DYM: variants seen among roughly 807,000 people sequenced by gnomAD.
The protein encoded by DYM is dymeclin, also known as dyggve-Melchior-Clausen syndrome protein.
Under a neutral mutation model 93.1 loss-of-function variants are expected in DYM, and 78 were observed. That is an observed-to-expected ratio of 0.84 (90% CI 0.70 to 1.01). The LOEUF is 1.01. Ranked by LOEUF, DYM falls within the 50% of genes least tolerant of loss-of-function variation. The pLI is 0.00. For missense variants in DYM, 789 were observed against 845.0 expected, an observed-to-expected ratio of 0.93 and a Z score of 0.82; for synonymous variants, 321 against 319.7, an observed-to-expected ratio of 1.00 and a Z score of -0.04.
intron 15 of DYM, among the ~76,000 whole-genome samples, chr18:49,152,232 A>C (rs2085897183): frequency 6.6e-6 from 1 of 152,200 alleles, no homozygotes; most frequent in Non-Finnish European, 1.5e-5. Flanking sequence ...AAGGGACAGA[A>C]CGATCTTCCT....
At chr18:49,307,172 G>A (rs938901232) in intron 8 of DYM, among the ~76,000 whole-genome samples, 18 of 151,908 alleles carry the variant, frequency 1.2e-4, no homozygotes, top group Non-Finnish European at 2.4e-4. Context: ...ATGTTATATC[G>A]TAGTATGAGT....
chr18:49,380,021 A>G (rs541506576), intron 3 of DYM, among the ~76,000 whole-genome samples: 21 of 152,276 alleles, frequency 1.4e-4, no homozygotes, highest in Non-Finnish European at 2.4e-4. Flanking sequence ...CCAAAATCAT[A>G]AAGGAAAAAA....
At chr18:49,103,850 C>T (rs1279503904) in intron 16 of DYM, among the ~76,000 whole-genome samples, 2 of 151,132 alleles carry the variant, frequency 1.3e-5, no homozygotes, top group East Asian at 1.9e-4. Context: ...TAGCGTGATG[C>T]CTCCAGCTTT....
rs151232872 is a variant in DYM, at chr18:49,333,728, C to A, written c.620G>T (p.Cys207Phe). Reference sequence around the variant, plus strand: ...AGACATACTTAAAGTAGAAACATACCATGGACCTCGCATCAAATACTTGTG... The same window carrying A: ...AGACATACTTAAAGTAGAAACATACAATGGACCTCGCATCAAATACTTGTG... ...ISHKYLMRGP[C>F]LPYTSKLVKT... The change falls in exon 7 of 18, where the codon TGT (cysteine) becomes TTT (phenylalanine). Residue 207 changes from cysteine (C) to phenylalanine (F), a missense_variant and splice_region_variant. Cys to Phe is a radical substitution (Grantham distance 205). Around this residue, in one of 3 missense-constraint regions of DYM, gnomAD observed 450 missense variants for 436.2 expected, o/e 1.03. Coordinates refer to ENST00000675505, the MANE Select transcript of DYM (RefSeq NM_001353214.3). 1.2e-6 allele frequency: 2 copies of A among 1,613,760 alleles called. No homozygotes were observed. The highest frequency in any genetic ancestry group is 2.2e-5 in the East Asian group (1 of 44,848).
intron 17 of DYM, among the ~76,000 whole-genome samples, chr18:49,077,542 C>T (rs950206652): frequency 1.3e-5 from 2 of 152,216 alleles, no homozygotes; most frequent in Admixed American, 1.3e-4. Flanking sequence ...TCTATGTCTT[C>T]AGTGAATTTT....
chr18:49,358,975 T>G (rs111239235), intron 6 of DYM, among the ~76,000 whole-genome samples: 2 of 152,222 alleles, frequency 1.3e-5, no homozygotes, highest in Non-Finnish European at 2.9e-5. Context: ...TCACTGCTTC[T>G]GCGGCTATGG....
chr18:49,170,316 C>T (rs991954109), intron 14 of DYM, among the ~76,000 whole-genome samples: 2 of 152,100 alleles, frequency 1.3e-5, no homozygotes, highest in Admixed American at 1.3e-4. Flanking sequence ...TCTAGGAAAC[C>T]TACAGGTGCT....
intron 1 of DYM, among the ~76,000 whole-genome samples, chr18:49,444,864 A>G (rs1044428161): frequency 2.0e-5 from 3 of 152,330 alleles, no homozygotes; most frequent in African/African-American, 7.2e-5. Context: ...AGTATTTGGC[A>G]GTATCTAAGA....
intron 2 of DYM, among the ~76,000 whole-genome samples, chr18:49,414,667 A>T (rs1211731952): frequency 6.6e-6 from 1 of 152,116 alleles, no homozygotes; most frequent in Non-Finnish European, 1.5e-5. Context: ...TCTCCACAAA[A>T]CATGCATGGC....
intron 3 of DYM, 170 bp downstream of exon 3, chr18:49,391,423 A>G (rs2069242838): frequency 1.5e-6 from 1 of 662,906 alleles, no homozygotes; most frequent in Non-Finnish European, 2.7e-6. Context: ...TCATATTGCT[A>G]TTGACTGAAG....
chr18:49,131,497 T>A (rs1022367674), intron 15 of DYM, among the ~76,000 whole-genome samples: 1 of 152,112 alleles, frequency 6.6e-6, no homozygotes, highest in African/African-American at 2.4e-5. Flanking sequence ...AGTGCTAGGA[T>A]TACAGGCCTA....
intron 14 of DYM, among the ~76,000 whole-genome samples, chr18:49,177,890 G>A (rs550304784): frequency 6.6e-6 from 1 of 152,138 alleles, no homozygotes; most frequent in East Asian, 1.9e-4. Context: ...ACTATCTACT[G>A]ACTGGTGGAT....
At chr18:49,259,504 T>C (rs932265111) in intron 11 of DYM, among the ~76,000 whole-genome samples, 22 of 151,958 alleles carry the variant, frequency 1.4e-4, no homozygotes, top group African/African-American at 5.3e-4. Context: ...AGGGAGAGAG[T>C]GCTATAGATT....
chr18:49,183,612 G>A (rs1228143540), intron 14 of DYM, among the ~76,000 whole-genome samples: 2 of 152,102 alleles, frequency 1.3e-5, no homozygotes, highest in Non-Finnish European at 2.9e-5. Context: ...AAGTTCTTGA[G>A]CCTGGGATAG....
At chr18:49,352,583 A>ATTG (rs1394862629) in intron 6 of DYM, among the ~76,000 whole-genome samples, 1 of 152,188 alleles carries the variant, frequency 6.6e-6, no homozygotes, top group Non-Finnish European at 1.5e-5. Flanking sequence ...ATGTAATTGA[A>ATTG]TTGTTCTACA....
intron 11 of DYM, among the ~76,000 whole-genome samples, chr18:49,258,837 C>CAGAGAGAGAG (rs1568120082): frequency 2.2e-5 from 3 of 138,136 alleles, no homozygotes; most frequent in Non-Finnish European, 4.6e-5. Context: ...CACACACACA[C>CAGAGAGAGAG]ACAGAGAGAG....
At position 49,218,927 on chromosome 18, in the gene DYM, G is replaced by C. The variant is rs1159042013; in HGVS notation, c.1461-9212C>G. Among the ~76,000 whole-genome samples, 3 of 152,070 alleles carry C rather than the reference G, an allele frequency of 2.0e-5. No individual in the cohort carries two copies. In the South Asian group the frequency reaches 6.2e-4, roughly 32 times the overall value. On this transcript the variant is annotated intron_variant, in intron 13 of 17. Coordinates refer to ENST00000675505, the MANE Select transcript of DYM (RefSeq NM_001353214.3). Reference sequence around the variant, plus strand: ...AATCAGAGCAGAACTGAAGGAAATAGAGACACAAAAAACCCTTCAAAAAAT... The same window carrying C: ...AATCAGAGCAGAACTGAAGGAAATACAGACACAAAAAACCCTTCAAAAAAT...
intron 13 of DYM, among the ~76,000 whole-genome samples, chr18:49,254,190 C>T (rs945437802): frequency 6.6e-5 from 10 of 151,262 alleles, no homozygotes; most frequent in Non-Finnish European, 1.5e-4. Flanking sequence ...AGCCATTCAC[C>T]CCCTCCATAG....
intron 14 of DYM, among the ~76,000 whole-genome samples, chr18:49,197,234 T>TCA (rs752115302): frequency 8.5e-5 from 13 of 152,120 alleles, no homozygotes; most frequent in Non-Finnish European, 1.9e-4. Context: ...CATGTGGATG[T>TCA]CATGTAAAGT....
Sources: gnomAD v4.1 joint callset for allele counts (sites outside exome capture counted in the v4.1 genomes callset) on GRCh38, gnomAD v4.1.1 for gene constraint, gnomAD v4.1.1 regional missense constraint, MANE v1.5 for transcripts, NCBI Gene and HGNC (gene_info 2026-07-23, HGNC 2026-07-21) for gene names.